Variants in LRP1B observed in about 807,000 individuals in gnomAD.
LRP1B encodes low-density lipoprotein receptor-related protein 1B.
LRP1B carries 217 observed loss-of-function variants against 556.6 expected under a neutral mutation model. That is an observed-to-expected ratio of 0.39 (90% confidence interval 0.35 to 0.44). The LOEUF (loss-of-function observed/expected upper bound fraction) is 0.44, where lower values mean the gene tolerates loss of function less well. Among genes scored for constraint, LRP1B ranks in the 20% least tolerant of loss-of-function variants. LRP1B has a pLI of 1.00. For synonymous variants in LRP1B, 2,047 were observed against 1,865.8 expected, an observed-to-expected ratio of 1.10 and a Z score of -2.50; for missense variants, 5,053 against 5,620.8, an observed-to-expected ratio of 0.90 and a Z score of 3.23.
chr2:141,568,919 A>T (rs1454471866), intron 2 of LRP1B, among the ~76,000 whole-genome samples: 1 of 122,762 alleles, frequency 8.1e-6, no homozygotes, highest in Non-Finnish European at 2.0e-5. Context: ...ATGCCCAGTT[A>T]ATTTTTTTTT....
chr2:140,719,798 C>T (rs1574278978), intron 35 of LRP1B, among the ~76,000 whole-genome samples: 1 of 152,112 alleles, frequency 6.6e-6, no homozygotes, highest in Non-Finnish European at 1.5e-5. Flanking sequence ...TGTGATGATG[C>T]ATTAAGGAGA....
At chr2:141,951,360 C>A (rs1339866531) in intron 1 of LRP1B, among the ~76,000 whole-genome samples, 1 of 152,078 alleles carries the variant, frequency 6.6e-6, no homozygotes, top group African/African-American at 2.4e-5. Flanking sequence ...ACTCCGAGTC[C>A]CCAAAGTCCG....
At chr2:141,162,880 G>T (rs900069652) in intron 7 of LRP1B, among the ~76,000 whole-genome samples, 6 of 152,072 alleles carry the variant, frequency 3.9e-5, no homozygotes, top group African/African-American at 7.2e-5. Context: ...TTAAATATGG[G>T]TTTTGATTTT....
intron 1 of LRP1B, among the ~76,000 whole-genome samples, chr2:142,088,870 G>T (rs907844610): frequency 5.9e-5 from 9 of 151,430 alleles, no homozygotes; most frequent in African/African-American, 2.2e-4. Context: ...AGCTACTCGG[G>T]AGGCTGAGGC....
chr2:142,007,325 C>T (rs1191738600), intron 1 of LRP1B, among the ~76,000 whole-genome samples: 1 of 152,122 alleles, frequency 6.6e-6, no homozygotes. Flanking sequence ...AGCAATATAA[C>T]ATTAAAGGAT....
intron 7 of LRP1B, among the ~76,000 whole-genome samples, chr2:141,121,548 T>C (rs1156516735): frequency 6.6e-6 from 1 of 151,996 alleles, no homozygotes; most frequent in Admixed American, 6.6e-5. Context: ...ACAAGGGATG[T>C]GAAGGACCTC....
At chr2:140,737,270 T>C (rs149806461) in intron 35 of LRP1B, among the ~76,000 whole-genome samples, 19 of 152,304 alleles carry the variant, frequency 1.2e-4, no homozygotes, top group African/African-American at 4.3e-4. Context: ...AAAGGACTTA[T>C]GACCATTTAC....
intron 58 of LRP1B, among the ~76,000 whole-genome samples, chr2:140,486,782 T>A (rs920589398): frequency 4.6e-5 from 7 of 151,900 alleles, no homozygotes; most frequent in Non-Finnish European, 1.0e-4. Flanking sequence ...TATATAGTGA[T>A]CTTTTATTAT....
intron 11 of LRP1B, among the ~76,000 whole-genome samples, chr2:141,035,383 T>A (rs1435105730): frequency 1.3e-5 from 2 of 151,888 alleles, no homozygotes; most frequent in African/African-American, 2.4e-5. Context: ...TAAAAAAATC[T>A]TTTCAGTATT....
chr2:141,562,446 A>G (rs1686191116), intron 2 of LRP1B, among the ~76,000 whole-genome samples: 1 of 151,868 alleles, frequency 6.6e-6, no homozygotes, highest in African/African-American at 2.4e-5. Flanking sequence ...ATTACTCCCC[A>G]CTACTGACCT....
chr2:140,523,231 G>A (rs931277735), intron 49 of LRP1B, among the ~76,000 whole-genome samples: 38 of 151,904 alleles, frequency 2.5e-4, no homozygotes, highest in Non-Finnish European at 4.6e-4. Context: ...ATTCCAGGTC[G>A]GTGCAACATA....
chr2:141,189,791 G>C (rs566688806), intron 6 of LRP1B, among the ~76,000 whole-genome samples: 1 of 152,066 alleles, frequency 6.6e-6, no homozygotes, highest in East Asian at 1.9e-4. Context: ...TAGGTAGCTA[G>C]TGACTACTGT....
At chr2:140,997,540 T>C (rs1381546377) in intron 15 of LRP1B, among the ~76,000 whole-genome samples, 1 of 151,984 alleles carries the variant, frequency 6.6e-6, no homozygotes, top group Non-Finnish European at 1.5e-5. Flanking sequence ...CCCAGTGTGG[T>C]GATCTATTCT....
intron 84 of LRP1B, among the ~76,000 whole-genome samples, chr2:140,286,361 G>T (rs1477873232): frequency 6.6e-6 from 1 of 151,928 alleles, no homozygotes; most frequent in South Asian, 2.1e-4. Flanking sequence ...AGGGAGACTG[G>T]AAAGGAAAAT....
chr2:141,892,931 A>AT (rs1351784895), intron 1 of LRP1B, among the ~76,000 whole-genome samples: 1 of 152,170 alleles, frequency 6.6e-6, no homozygotes, highest in East Asian at 1.9e-4. Context: ...TTATGTGATA[A>AT]TTTGAGCTAT....
intron 36 of LRP1B, among the ~76,000 whole-genome samples, 191 bp from the exon 37 acceptor site, chr2:140,716,293 T>G (rs916157121): frequency 7.2e-5 from 11 of 152,044 alleles, no homozygotes; most frequent in African/African-American, 2.7e-4. Context: ...AATCCTAATC[T>G]CACACACCTC....
At chr2:141,406,496 A>G (rs1486193602) in intron 3 of LRP1B, among the ~76,000 whole-genome samples, 1 of 152,114 alleles carries the variant, frequency 6.6e-6, no homozygotes, top group Non-Finnish European at 1.5e-5. Context: ...AGTTAATTTA[A>G]TAAAAGTGAA....
chr2:140,283,305 A>G (rs1481465636), intron 84 of LRP1B, among the ~76,000 whole-genome samples: 2 of 151,794 alleles, frequency 1.3e-5, no homozygotes, highest in African/African-American at 4.8e-5. Flanking sequence ...ACTTTAGTGC[A>G]TAGTGCTAAA....
intron 3 of LRP1B, among the ~76,000 whole-genome samples, chr2:141,377,569 G>C (rs1689485286): frequency 6.6e-6 from 1 of 152,076 alleles, no homozygotes; most frequent in South Asian, 2.1e-4. Context: ...TTCTTAACTA[G>C]TTCAAAAATT....
Sources: allele counts gnomAD v4.1 joint callset (sites outside exome capture counted in the v4.1 genomes callset), GRCh38; gene constraint gnomAD v4.1.1; transcripts MANE v1.5; gene names NCBI Gene and HGNC (gene_info 2026-07-23, HGNC 2026-07-21).